The following ITPR2 variants were observed in gnomAD, a reference collection of about 807,000 sequenced individuals.
The protein encoded by ITPR2 is inositol 1,4,5-trisphosphate-gated calcium channel ITPR2.
In ITPR2, 207 loss-of-function variants were observed where a neutral mutation model predicts 317.1. That is an observed-to-expected ratio of 0.65 (90% CI 0.58 to 0.73). ITPR2 has a LOEUF of 0.73. Ranked by LOEUF, ITPR2 falls within the 30% of genes least tolerant of loss-of-function variation. The pLI is 0.00. For missense variants in ITPR2, 2,613 were observed against 3,284.0 expected (o/e 0.80, Z 4.99); for synonymous variants, 1,156 against 1,149.1 (o/e 1.01, Z -0.12).
chr12:26,426,690 C>T (rs1239106028), intron 49 of ITPR2, among the ~76,000 whole-genome samples: 1 of 152,018 alleles, frequency 6.6e-6, no homozygotes, highest in East Asian at 1.9e-4. Context: ...CTGTCAAATA[C>T]ATCATGTCTA....
intron 26 of ITPR2, 29 bp from the exon 27 acceptor site, chr12:26,602,735 T>C (rs1465320766): frequency 1.4e-5 from 18 of 1,277,460 alleles, no homozygotes; most frequent in Middle Eastern, 1.9e-4. Flanking sequence ...TGTACTTTTA[T>C]GCCATTTGTA....
At chr12:26,476,683 C>G (rs535495472) in intron 44 of ITPR2, among the ~76,000 whole-genome samples, 1 of 152,072 alleles carries the variant, frequency 6.6e-6, no homozygotes, top group Non-Finnish European at 1.5e-5. Context: ...GATAAGTTGG[C>G]TAAGAAAAGT....
chr12:26,781,248 TAGA>T (rs963172761), intron 2 of ITPR2, among the ~76,000 whole-genome samples: 46 of 152,298 alleles, frequency 3.0e-4, no homozygotes, highest in African/African-American at 9.4e-4. Context: ...GAATGGGTAG[TAGA>T]AGAAGGTAGT....
At chr12:26,787,966 C>A (rs1047615536) in intron 2 of ITPR2, among the ~76,000 whole-genome samples, 2 of 147,628 alleles carry the variant, frequency 1.4e-5, no homozygotes, top group African/African-American at 5.0e-5. Context: ...CTTTTGTTGC[C>A]CAGGTTGGAG....
intron 2 of ITPR2, among the ~76,000 whole-genome samples, chr12:26,739,129 A>C (rs957862429): frequency 2.0e-5 from 3 of 152,244 alleles, no homozygotes; most frequent in African/African-American, 2.4e-5. Flanking sequence ...AACCACTAGA[A>C]TGGCTACAAT....
At chr12:26,421,014 A>G (rs1317521085) in intron 49 of ITPR2, among the ~76,000 whole-genome samples, 1 of 152,186 alleles carries the variant, frequency 6.6e-6, no homozygotes, top group African/African-American at 2.4e-5. Context: ...AGTTTTCAGA[A>G]AGACGAATGA....
intron 39 of ITPR2, chr12:26,493,903 T>A (rs1340126365): frequency 2.9e-6 from 1 of 343,946 alleles, no homozygotes; most frequent in Non-Finnish European, 5.2e-6. Context: ...AGCATATTGC[T>A]CACTGTTGTG....
chr12:26,484,863 C>T (rs983057241), intron 41 of ITPR2, among the ~76,000 whole-genome samples: 1 of 152,036 alleles, frequency 6.6e-6, no homozygotes, highest in Non-Finnish European at 1.5e-5. Flanking sequence ...AGGTGCCAGC[C>T]ACCACGCCCA....
chr12:26,512,320 T>C (rs562627228), intron 37 of ITPR2, among the ~76,000 whole-genome samples: 1 of 152,256 alleles, frequency 6.6e-6, no homozygotes, highest in Non-Finnish European at 1.5e-5. Context: ...TAGCTTATCT[T>C]CACAGGTGCG....
chr12:26,499,828 A>T (rs1440625183), intron 37 of ITPR2, among the ~76,000 whole-genome samples: 1 of 152,262 alleles, frequency 6.6e-6, no homozygotes, highest in African/African-American at 2.4e-5. Context: ...TTAGAATTAT[A>T]TACTTATTAG....
At chr12:26,355,736 C>T (rs1334885551) in intron 55 of ITPR2, among the ~76,000 whole-genome samples, 1 of 152,086 alleles carries the variant, frequency 6.6e-6, no homozygotes, top group Non-Finnish European at 1.5e-5. Flanking sequence ...TATTTTTTCC[C>T]CTCAGTCTTT....
Position 26,817,173 on chromosome 12 carries a change from T to C in ITPR2, c.92+15517A>G, listed in dbSNP as rs188252243. Among the ~76,000 whole-genome samples the C allele has an allele frequency of 2.6e-4, 22 of 84,520 alleles. 1 individual carries two copies. The East Asian group carries it at 7.0e-3, about 27-fold the overall frequency. 55.4% of individuals were successfully genotyped at this position (84,520 alleles called of 152,430 possible). On this transcript the variant is annotated intron_variant, in intron 1 of 56. Transcript: ENST00000381340. ...TCCAGCCTGGGCGACAGACCGAGAG[T>C]CTCTTTCAAAAAAAAAAAAAAAAAA...
chr12:26,745,821 G>C (rs16931328), intron 2 of ITPR2, among the ~76,000 whole-genome samples: 31,548 of 151,982 alleles, frequency 0.21, 3,582 homozygotes, highest in Non-Finnish European at 0.24. Context: ...TCCCATGATT[G>C]AGCACACTGG....
intron 26 of ITPR2, among the ~76,000 whole-genome samples, 191 bp downstream of exon 26, chr12:26,620,932 A>T (rs1389741746): frequency 6.6e-6 from 1 of 152,250 alleles, no homozygotes; most frequent in Non-Finnish European, 1.5e-5. Flanking sequence ...AAGAAGTGGT[A>T]GAAATTGATA....
At chr12:26,383,079 G>T (rs1477381247) in intron 55 of ITPR2, among the ~76,000 whole-genome samples, 2 of 152,094 alleles carry the variant, frequency 1.3e-5, no homozygotes, top group African/African-American at 4.8e-5. Context: ...CCTACAGTAA[G>T]GAGTGATTTC....
At chr12:26,795,230 G>T (rs1287934265) in intron 1 of ITPR2, among the ~76,000 whole-genome samples, 1 of 152,070 alleles carries the variant, frequency 6.6e-6, no homozygotes, top group Non-Finnish European at 1.5e-5. Context: ...GTCTATTTGG[G>T]GAAAAATGAC....
In ITPR2 at chr12:26,411,349, C is replaced by T; in HGVS notation, c.7370G>A (p.Cys2457Tyr). The T allele has an allele frequency of 1.2e-6, 2 of 1,613,604 alleles. No individual in the cohort carries two copies. The highest frequency in any genetic ancestry group is 2.2e-5 in the East Asian group (1 of 44,832). ...TMMEACAKEN[C>Y]SPTIPASNTA... ...ATTTGAAGCTGGAATTGTGGGTGAA[C>T]AGTTCTCCTTGGCACATGCTTCCAT... The change falls in exon 52 of 57, where the codon TGT becomes TAT. Residue 2457 changes from cysteine to tyrosine, a missense_variant. Cys to Tyr is a radical substitution (Grantham distance 194). Around this residue, in one of 9 missense-constraint regions of ITPR2, gnomAD observed 113 missense variants for 129.2 expected, o/e 0.87. Coordinates refer to ENST00000381340, the MANE Select transcript of ITPR2 (RefSeq NM_002223.4).
chr12:26,340,039 A>G, intron 56 of ITPR2, 128 bp downstream of exon 56: 1 of 825,238 alleles, frequency 1.2e-6, no homozygotes, highest in Non-Finnish European at 1.8e-6. Context: ...GTACAACGTG[A>G]GGTTTCTTTC....
At chr12:26,681,726 C>A in intron 13 of ITPR2, 148 bp downstream of exon 13, 1 of 525,140 alleles carries the variant, frequency 1.9e-6, no homozygotes, top group Non-Finnish European at 3.4e-6. Flanking sequence ...TCACTATGAT[C>A]AAGAGGAATA....
Sources: allele counts gnomAD v4.1 joint callset (sites outside exome capture counted in the v4.1 genomes callset), GRCh38; gene constraint gnomAD v4.1.1; regional missense constraint gnomAD v4.1.1; transcripts MANE v1.5; gene names NCBI Gene and HGNC (gene_info 2026-07-23, HGNC 2026-07-21).